DLGAP2: variants seen among roughly 807,000 people sequenced by gnomAD.
DLGAP2 encodes the protein DLG associated protein 2, also known as disks large-associated protein 2.
A neutral mutation model predicts 100.3 loss-of-function variants in DLGAP2; 26 were observed. The observed-to-expected ratio is 0.26, with a 90% CI of 0.19 to 0.36. The LOEUF is 0.36. Among genes scored for constraint, DLGAP2 ranks in the 10% least tolerant of loss-of-function variants. The pLI is 1.00. For missense variants in DLGAP2, 1,858 were observed against 1,453.2 expected (o/e 1.28, Z -4.53); for synonymous variants, 886 against 630.1 (o/e 1.41, Z -6.08).
intron 2 of DLGAP2, among the ~76,000 whole-genome samples, chr8:981,007 C>G (rs1043215901): frequency 2.6e-5 from 4 of 152,144 alleles, no homozygotes; most frequent in African/African-American, 9.7e-5. Flanking sequence ...ATGTGACCAA[C>G]ATTACCATCT....
intron 2 of DLGAP2, chr8:1,137,238 C>G (rs1324433731): frequency 6.6e-6 from 1 of 152,374 alleles, no homozygotes; most frequent in African/African-American, 2.4e-5. Context: ...TACAAAGACA[C>G]CAGTCCTATT....
intron 1 of DLGAP2, among the ~76,000 whole-genome samples, chr8:857,540 C>G (rs1410672532): frequency 6.6e-6 from 1 of 152,074 alleles, no homozygotes; most frequent in East Asian, 1.9e-4. Context: ...CAGACACCAT[C>G]AAAAAGATAC....
chr8:890,174 G>A (rs779779869), intron 1 of DLGAP2, among the ~76,000 whole-genome samples: 3 of 152,132 alleles, frequency 2.0e-5, no homozygotes, highest in Non-Finnish European at 4.4e-5. Flanking sequence ...GCCTCCAAAC[G>A]GCTCTGCTTC....
chr8:1,570,394 A>G lies in DLGAP2; in HGVS notation c.1442+4500A>G, dbSNP rs565590373. Among the ~76,000 whole-genome samples, 25 of 152,370 alleles carry G rather than the reference A, an allele frequency of 1.6e-4. No individual in the cohort carries two copies. In the East Asian group the frequency reaches 1.7e-3, roughly 11 times the overall value. The stretch of plus-strand genomic sequence containing the variant: ...ATGTTCACTCCTGGGGGCTCTTTCA[A>G]TCTAGGCACATTTAAATATCAGCAT... On this transcript the variant is annotated intron_variant, in intron 6 of 14. Coordinates refer to ENST00000637795, the MANE Select transcript of DLGAP2 (RefSeq NM_001346810.2).
At chr8:940,288 G>A (rs1056691040) in intron 2 of DLGAP2, among the ~76,000 whole-genome samples, 9 of 152,022 alleles carry the variant, frequency 5.9e-5, no homozygotes, top group African/African-American at 2.2e-4. Context: ...ATGGGCAGAG[G>A]CACGAAAACC....
intron 2 of DLGAP2, among the ~76,000 whole-genome samples, chr8:967,717 C>T (rs1799905715): frequency 7.4e-6 from 1 of 136,038 alleles, no homozygotes; most frequent in Admixed American, 7.2e-5. Flanking sequence ...TGTTTTACTA[C>T]TGTATAAAAT....
At chr8:1,303,433 G>C (rs1186577678) in intron 3 of DLGAP2, among the ~76,000 whole-genome samples, 1 of 149,696 alleles carries the variant, frequency 6.7e-6, no homozygotes, top group Non-Finnish European at 1.5e-5. Flanking sequence ...AAAAAGGAAG[G>C]AGAAGAGGAG....
chr8:1,197,457 C>T (rs978915668), intron 2 of DLGAP2, among the ~76,000 whole-genome samples: 11 of 152,210 alleles, frequency 7.2e-5, no homozygotes, highest in African/African-American at 2.7e-4. Context: ...ACTTCATAGC[C>T]CAGGGTCAAG....
At chr8:920,331 GC>G (rs1798682210) in intron 2 of DLGAP2, among the ~76,000 whole-genome samples, 1 of 152,250 alleles carries the variant, frequency 6.6e-6, no homozygotes, top group South Asian at 2.1e-4. Flanking sequence ...GGCACAGGAA[GC>G]CCCTGTTATC....
chr8:1,550,543 C>T (rs770524882), intron 5 of DLGAP2, among the ~76,000 whole-genome samples: 2 of 152,054 alleles, frequency 1.3e-5, no homozygotes, highest in African/African-American at 2.4e-5. Flanking sequence ...AGTGGGCCTG[C>T]GACATTCGTG....
At chr8:1,101,769 CACG>C (rs1563192546) in intron 2 of DLGAP2, among the ~76,000 whole-genome samples, 8 of 32,548 alleles carry the variant, frequency 2.5e-4, no homozygotes, top group African/African-American at 9.2e-4. Flanking sequence ...CCGAACACGA[CACG>C]ACGATGGGAA....
intron 3 of DLGAP2, among the ~76,000 whole-genome samples, chr8:1,314,968 C>G (rs1254512204): frequency 3.9e-5 from 6 of 152,228 alleles, no homozygotes; most frequent in Admixed American, 1.3e-4. Flanking sequence ...AAAGGGTGAC[C>G]TATCCCAGCA....
At chr8:841,985 G>A (rs1309696575) in intron 1 of DLGAP2, among the ~76,000 whole-genome samples, 1 of 152,084 alleles carries the variant, frequency 6.6e-6, no homozygotes, top group Admixed American at 6.6e-5. Flanking sequence ...TAACGATTTG[G>A]ACACTGCCAC....
At chr8:1,110,956 C>G (rs2129045793) in intron 2 of DLGAP2, among the ~76,000 whole-genome samples, 1 of 152,136 alleles carries the variant, frequency 6.6e-6, no homozygotes, top group East Asian at 1.9e-4. Flanking sequence ...GGTTCCTTGG[C>G]TGGGTAAGTC....
chr8:1,601,456 G>A (rs1796621349), intron 6 of DLGAP2, among the ~76,000 whole-genome samples: 1 of 152,220 alleles, frequency 6.6e-6, no homozygotes, highest in Admixed American at 6.5e-5. Flanking sequence ...GTTTACGTCT[G>A]CTGAAGCTGC....
At chr8:982,153 C>T (rs1408821227) in intron 2 of DLGAP2, among the ~76,000 whole-genome samples, 1 of 152,190 alleles carries the variant, frequency 6.6e-6, no homozygotes, top group Non-Finnish European at 1.5e-5. Flanking sequence ...CGAGTGTGGA[C>T]AGGTTGTATA....
chr8:1,036,696 G>C (rs1802135671), intron 2 of DLGAP2, among the ~76,000 whole-genome samples: 1 of 152,138 alleles, frequency 6.6e-6, no homozygotes, highest in Non-Finnish European at 1.5e-5. Context: ...GTACATGGCA[G>C]GGAGGGTGCT....
intron 12 of DLGAP2, among the ~76,000 whole-genome samples, chr8:1,681,366 C>T (rs1327453481): frequency 6.6e-6 from 1 of 152,092 alleles, no homozygotes; most frequent in Non-Finnish European, 1.5e-5. Flanking sequence ...GGCACAGTGG[C>T]TCACACCTGT....
chr8:779,494 T>C (rs1194249204), intron 1 of DLGAP2, among the ~76,000 whole-genome samples: 1 of 151,436 alleles, frequency 6.6e-6, no homozygotes, highest in East Asian at 1.9e-4. Context: ...GACAGGGTCT[T>C]GCTCTGTCGC....
Sources: allele counts gnomAD v4.1 joint callset (sites outside exome capture counted in the v4.1 genomes callset), GRCh38; gene constraint gnomAD v4.1.1; transcripts MANE v1.5; gene names NCBI Gene and HGNC (gene_info 2026-07-23, HGNC 2026-07-21).